Variants in CNTNAP5 observed in about 807,000 individuals in gnomAD.
The protein encoded by CNTNAP5 is contactin associated protein family member 5, also known as contactin-associated protein-like 5.
In CNTNAP5, 72 loss-of-function variants were observed where a neutral mutation model predicts 150.2. That is an observed-to-expected ratio of 0.48 (90% CI 0.40 to 0.58). CNTNAP5 has a LOEUF of 0.58. CNTNAP5 is among the 20% of genes least tolerant of loss of function. The pLI is 0.00. For missense variants in CNTNAP5, 1,636 were observed against 1,626.2 expected (o/e 1.01, Z -0.10); for synonymous variants, 672 against 619.8 (o/e 1.08, Z -1.25).
chr2:124,419,431 C>A (rs1397319148), intron 4 of CNTNAP5, among the ~76,000 whole-genome samples: 2 of 151,972 alleles, frequency 1.3e-5, no homozygotes, highest in Non-Finnish European at 2.9e-5. Flanking sequence ...GTGATGAACC[C>A]CTTGGAGAAT....
At chr2:124,347,365 G>A (rs1689762839) in intron 3 of CNTNAP5, among the ~76,000 whole-genome samples, 1 of 152,110 alleles carries the variant, frequency 6.6e-6, no homozygotes, top group Non-Finnish European at 1.5e-5. Context: ...GGAGACTGAG[G>A]GGGCGGGGGC....
chr2:124,108,788 C>T (rs993113372), intron 1 of CNTNAP5, among the ~76,000 whole-genome samples: 3 of 152,166 alleles, frequency 2.0e-5, no homozygotes, highest in African/African-American at 7.2e-5. Flanking sequence ...ACAGATATAA[C>T]AGCAACTTCC....
chr2:124,092,922 A>C (rs1348510993), intron 1 of CNTNAP5, among the ~76,000 whole-genome samples: 1 of 152,254 alleles, frequency 6.6e-6, no homozygotes. Flanking sequence ...AAAGATTAGC[A>C]GTAAGTATTG....
chr2:124,831,409 T>C (rs1682714163), intron 19 of CNTNAP5, among the ~76,000 whole-genome samples: 1 of 151,914 alleles, frequency 6.6e-6, no homozygotes, highest in Non-Finnish European at 1.5e-5. Flanking sequence ...TCTTTCCTAC[T>C]TACTGGTTCC....
rs778863758 is a variant in CNTNAP5 at position 124,419,140 on chromosome 2, C to CAA, written c.529+1572_529+1573dup. The stretch of plus-strand genomic sequence containing the variant: ...TGGGCGACAGAGCGAGACTCCTTCT[C>CAA]AAAAAAAAAAAAAAAAAAAAAAACA... On this transcript the variant is annotated intron_variant, in intron 4 of 23. Transcript: ENST00000682447. Among the ~76,000 whole-genome samples the CAA allele has an allele frequency of 5.2e-4, 15 of 28,894 alleles. 1 individual carries two copies. Among genetic ancestry groups the CAA allele is most frequent in the Non-Finnish European group, 6.6e-4 (10 of 15,130 alleles). 19.0% of individuals were successfully genotyped at this position (28,894 alleles called of 152,430 possible). A position where few individuals can be genotyped will look rare whatever the true frequency, so the allele number is the denominator to read the frequency against.
chr2:124,812,149 A>AATATATAATTTATATTTATATATTATATT (rs1558785638), intron 19 of CNTNAP5, among the ~76,000 whole-genome samples: 2 of 90,908 alleles, frequency 2.2e-5, no homozygotes, highest in African/African-American at 1.0e-4. Flanking sequence ...TATATTATAT[A>AATATATAATTTATATTTATATATTATATT]ATATATAAAT....
chr2:124,594,466 T>C (rs533580938), intron 11 of CNTNAP5, among the ~76,000 whole-genome samples: 8 of 152,206 alleles, frequency 5.3e-5, no homozygotes, highest in African/African-American at 1.9e-4. Flanking sequence ...GTGTTATTTC[T>C]GAGGACTCTG....
rs1335077400 is a variant in CNTNAP5, at chr2:124,726,693, ATTGAG to A, written c.2078-20532_2078-20528del. Among the ~76,000 whole-genome samples, 4 of 151,840 alleles carry A rather than the reference ATTGAG, an allele frequency of 2.6e-5. No homozygotes were observed. The East Asian group carries it at 7.7e-4, about 29-fold the overall frequency. ...AAATATTATTTATTTATTTATTGCT[ATTGAG>A]TTGTTTCAGTTTCTTATGGATTTTG... On this transcript the variant is annotated intron_variant, in intron 13 of 23. Coordinates refer to ENST00000682447, the MANE Select transcript of CNTNAP5 (RefSeq NM_001367498.1).
chr2:124,307,596 T>C (rs780009), intron 3 of CNTNAP5, among the ~76,000 whole-genome samples: 2,772 of 152,312 alleles, frequency 0.018, 86 homozygotes, highest in African/African-American at 0.061. Flanking sequence ...TCAGCCATTA[T>C]TTTTCTATTG....
At chr2:124,731,203 G>A (rs2105127216) in intron 13 of CNTNAP5, among the ~76,000 whole-genome samples, 1 of 152,150 alleles carries the variant, frequency 6.6e-6, no homozygotes, top group African/African-American at 2.4e-5. Flanking sequence ...TTGTTCATTA[G>A]CATTGTGAAA....
chr2:124,753,286 G>GA (rs1680770281), intron 14 of CNTNAP5, among the ~76,000 whole-genome samples: 1 of 152,138 alleles, frequency 6.6e-6, no homozygotes, highest in Non-Finnish European at 1.5e-5. Context: ...GGAGCTTTAA[G>GA]CTACTACTTA....
intron 1 of CNTNAP5, among the ~76,000 whole-genome samples, chr2:124,064,044 G>A (rs983989178): frequency 4.6e-5 from 7 of 152,100 alleles, no homozygotes; most frequent in Non-Finnish European, 1.0e-4. Context: ...GCCAGACTTA[G>A]GATGAAGCCG....
At chr2:124,906,046 GGCAGTGT>G (rs1558821316) in intron 22 of CNTNAP5, among the ~76,000 whole-genome samples, 2 of 152,006 alleles carry the variant, frequency 1.3e-5, no homozygotes, top group African/African-American at 4.8e-5. Flanking sequence ...CCCTGAGAGG[GGCAGTGT>G]CTCCCTGGCC....
At chr2:124,626,372 A>G (rs1173553956) in intron 12 of CNTNAP5, among the ~76,000 whole-genome samples, 1 of 152,164 alleles carries the variant, frequency 6.6e-6, no homozygotes, top group Non-Finnish European at 1.5e-5. Flanking sequence ...CAACTGAGGT[A>G]CCCAGTTCAT....
At chr2:124,667,515 A>T (rs1005692867) in intron 13 of CNTNAP5, among the ~76,000 whole-genome samples, 2 of 152,196 alleles carry the variant, frequency 1.3e-5, no homozygotes, top group Non-Finnish European at 2.9e-5. Context: ...GCAGTCATTC[A>T]TCAGTACCGT....
intron 13 of CNTNAP5, among the ~76,000 whole-genome samples, chr2:124,712,753 T>C (rs1172093157): frequency 6.6e-6 from 1 of 151,994 alleles, no homozygotes; most frequent in Non-Finnish European, 1.5e-5. Context: ...GCCTTTTTTT[T>C]TTTTCTTTTT....
intron 3 of CNTNAP5, among the ~76,000 whole-genome samples, chr2:124,357,447 A>T (rs564613368): frequency 6.6e-6 from 1 of 151,866 alleles, no homozygotes; most frequent in Non-Finnish European, 1.5e-5. Flanking sequence ...TAGGTCTAAC[A>T]TTTAAGTCTT....
intron 22 of CNTNAP5, among the ~76,000 whole-genome samples, chr2:124,909,443 A>G (rs1042534094): frequency 6.6e-6 from 1 of 152,080 alleles, no homozygotes; most frequent in Non-Finnish European, 1.5e-5. Flanking sequence ...CAACGACAAA[A>G]TTGCCTAATG....
chr2:124,491,857 G>T (rs190462507), intron 7 of CNTNAP5, among the ~76,000 whole-genome samples: 1 of 151,880 alleles, frequency 6.6e-6, no homozygotes, highest in Non-Finnish European at 1.5e-5. Context: ...TTCCCTAAAC[G>T]ATTAACAATA....
Sources: gnomAD v4.1 joint callset for allele counts (sites outside exome capture counted in the v4.1 genomes callset) on GRCh38, gnomAD v4.1.1 for gene constraint, MANE v1.5 for transcripts, NCBI Gene and HGNC (gene_info 2026-07-23, HGNC 2026-07-21) for gene names.